RBL1: variants seen among roughly 807,000 people sequenced by gnomAD.
RBL1 encodes the protein RB transcriptional corepressor like 1.
RBL1 carries 82 observed loss-of-function variants against 123.0 expected under a neutral mutation model. That is an observed-to-expected ratio of 0.67 (90% CI 0.56 to 0.80). RBL1 has a LOEUF of 0.80. RBL1 is among the 30% of genes least tolerant of loss of function. RBL1 has a pLI of 0.00. For missense variants in RBL1, 1,171 were observed against 1,299.6 expected (o/e 0.90, Z 1.52); for synonymous variants, 405 against 441.3 (o/e 0.92, Z 1.03).
At chr20:37,005,406 C>CAA (rs200205174) in intron 20 of RBL1, among the ~76,000 whole-genome samples, 225 of 104,726 alleles carry the variant, frequency 2.1e-3, no homozygotes, top group Non-Finnish European at 3.8e-3. Flanking sequence ...GACTCCTTCT[C>CAA]AAAAAAAAAA....
rs779023874 is a variant in RBL1, at chr20:37,095,901, C to T, written c.28G>A (p.Gly10Arg). The change falls in exon 1 of 22, where the codon GGG becomes AGG. Residue 10 changes from glycine to arginine, a missense_variant. Gly to Arg is a moderately radical substitution (Grantham distance 125). Coordinates refer to ENST00000373664, the MANE Select transcript of RBL1 (RefSeq NM_002895.5). MFEDKPHAE[G>R]AAVVAAAGEA... ...CCGGCTGCGGCGACCACCGCCGCCC[C>T]CTCAGCGTGGGGCTTGTCCTCGAAC... The T allele has an allele frequency of 6.2e-7, 1 of 1,602,112 alleles. No homozygotes were observed. The highest frequency in any genetic ancestry group is 1.1e-5 in the South Asian group (1 of 89,740).
chr20:37,057,271 G>T (rs1049382955), intron 9 of RBL1, among the ~76,000 whole-genome samples: 2 of 152,106 alleles, frequency 1.3e-5, no homozygotes, highest in Non-Finnish European at 2.9e-5. Flanking sequence ...TTTGAGGAAC[G>T]TCCGTACTGT....
intron 20 of RBL1, among the ~76,000 whole-genome samples, chr20:37,006,589 C>T (rs1260703348): frequency 6.6e-6 from 1 of 150,714 alleles, no homozygotes; most frequent in Non-Finnish European, 1.5e-5. Context: ...GCCTGTAATC[C>T]CAGCACTCTG....
chr20:36,999,476 C>CTCTCCCTCTCCCTCTCCCCACGG (rs1414959057), intron 21 of RBL1, among the ~76,000 whole-genome samples: 400 of 150,254 alleles, frequency 2.7e-3, no homozygotes, highest in African/African-American at 9.8e-3. Flanking sequence ...CCTCTCCCTC[C>CTCTCCCTCTCCCTCTCCCCACGG]TCTCCCTCTC....
chr20:37,066,219 T>A (rs573021742), intron 6 of RBL1, among the ~76,000 whole-genome samples: 1 of 152,170 alleles, frequency 6.6e-6, no homozygotes, highest in Non-Finnish European at 1.5e-5. Context: ...AATGTAGAAA[T>A]AGCTAAGTTA....
At chr20:37,014,635 C>G (rs558744933) in intron 19 of RBL1, among the ~76,000 whole-genome samples, 2 of 151,784 alleles carry the variant, frequency 1.3e-5, no homozygotes, top group African/African-American at 4.8e-5. Context: ...CCCATCTCTA[C>G]AAAAAATATA....
At chr20:37,011,885 C>T in intron 19 of RBL1, among the ~76,000 whole-genome samples, 1 of 151,858 alleles carries the variant, frequency 6.6e-6, no homozygotes, top group East Asian at 1.9e-4. Flanking sequence ...TCCCCACGGT[C>T]TCCCTCTCCC....
chr20:37,054,028 TACAC>T (rs55898438), intron 11 of RBL1, among the ~76,000 whole-genome samples: 2,168 of 146,910 alleles, frequency 0.015, 47 homozygotes, highest in East Asian at 0.057. Context: ...TACAATTTTA[TACAC>T]ACACACACAC....
At chr20:37,043,263 T>G (rs1600518302) in intron 13 of RBL1, among the ~76,000 whole-genome samples, 1 of 150,048 alleles carries the variant, frequency 6.7e-6, no homozygotes, top group Non-Finnish European at 1.5e-5. Flanking sequence ...CTGAGGCAGG[T>G]GGAGCATGAG....
At chr20:37,072,838 G>A (rs151047124) in intron 2 of RBL1, among the ~76,000 whole-genome samples, 7 of 152,310 alleles carry the variant, frequency 4.6e-5, no homozygotes, top group Non-Finnish European at 1.0e-4. Context: ...CTCTTTGGCT[G>A]TGTGGCCAGC....
intron 16 of RBL1, among the ~76,000 whole-genome samples, chr20:37,028,784 G>A (rs1180023217): frequency 6.6e-6 from 1 of 152,148 alleles, no homozygotes; most frequent in Non-Finnish European, 1.5e-5. Flanking sequence ...CAAACCCTGT[G>A]AGCCTGAGTC....
intron 12 of RBL1, among the ~76,000 whole-genome samples, chr20:37,045,120 AT>A (rs1356328746): frequency 2.1e-5 from 3 of 144,896 alleles, no homozygotes; most frequent in African/African-American, 5.3e-5. Context: ...TTATTTATTT[AT>A]TTTGAGACGG....
At chr20:37,085,505 G>T (rs1414088358) in intron 2 of RBL1, among the ~76,000 whole-genome samples, 1 of 151,990 alleles carries the variant, frequency 6.6e-6, no homozygotes. Context: ...TTGTGTGTAC[G>T]TGTGTGTGCG....
At chr20:37,056,762 A>T (rs1436534965) in intron 9 of RBL1, among the ~76,000 whole-genome samples, 3 of 152,212 alleles carry the variant, frequency 2.0e-5, no homozygotes, top group Non-Finnish European at 4.4e-5. Flanking sequence ...AACACGTAAA[A>T]TTATATAATA....
intron 14 of RBL1, among the ~76,000 whole-genome samples, chr20:37,035,813 T>C (rs1465333116): frequency 6.6e-6 from 1 of 152,116 alleles, no homozygotes. Flanking sequence ...AGCACTAAAT[T>C]TTAGTAGTAG....
intron 3 of RBL1, among the ~76,000 whole-genome samples, chr20:37,067,561 G>C (rs1361645267): frequency 6.6e-6 from 1 of 151,916 alleles, no homozygotes; most frequent in East Asian, 1.9e-4. Context: ...CTGAGGTTAG[G>C]AGTTCGAGAC....
intron 13 of RBL1, among the ~76,000 whole-genome samples, chr20:37,043,162 G>GCGCACA (rs1555856574): frequency 6.8e-6 from 1 of 147,920 alleles, no homozygotes; most frequent in African/African-American, 2.5e-5. Flanking sequence ...ATGCGCGCGT[G>GCGCACA]CACACACACA....
At chr20:37,092,086 C>T (rs1375489491) in intron 1 of RBL1, among the ~76,000 whole-genome samples, 2 of 151,874 alleles carry the variant, frequency 1.3e-5, no homozygotes, top group African/African-American at 4.8e-5. Context: ...CTACAAAATA[C>T]AAAAAAATTA....
intron 20 of RBL1, among the ~76,000 whole-genome samples, chr20:37,004,342 A>T (rs905484119): frequency 6.7e-6 from 1 of 150,170 alleles, no homozygotes; most frequent in Admixed American, 6.6e-5. Context: ...TTGGCCTCCC[A>T]AAGTGCTGGG....
Sources: gnomAD v4.1 joint callset for allele counts (sites outside exome capture counted in the v4.1 genomes callset) on GRCh38, gnomAD v4.1.1 for gene constraint, MANE v1.5 for transcripts, NCBI Gene and HGNC (gene_info 2026-07-23, HGNC 2026-07-21) for gene names.